CS: variants seen among roughly 807,000 people sequenced by gnomAD.
The protein encoded by CS is citrate synthase, mitochondrial.
CS carries 13 observed loss-of-function variants against 61.4 expected under a neutral mutation model. That is an observed-to-expected ratio of 0.21 (90% confidence interval 0.14 to 0.34). The LOEUF is 0.34. Ranked by LOEUF, CS falls within the 10% of genes least tolerant of loss-of-function variation. The pLI, the probability that CS is intolerant of heterozygous loss-of-function variation, is 1.00. For synonymous variants in CS, 159 were observed against 215.2 expected, an observed-to-expected ratio of 0.74 and a Z score of 2.29; for missense variants, 278 against 573.4, an observed-to-expected ratio of 0.48 and a Z score of 5.26.
intron 1 of CS, among the ~76,000 whole-genome samples, chr12:56,292,009 A>G (rs1001439315): frequency 6.6e-6 from 1 of 152,192 alleles, no homozygotes; most frequent in African/African-American, 2.4e-5. Context: ...TAGCCCTCAA[A>G]TGTGGTAAGA....
At chr12:56,289,664 G>C (rs1333177493) in intron 1 of CS, among the ~76,000 whole-genome samples, 1 of 151,800 alleles carries the variant, frequency 6.6e-6, no homozygotes, top group Non-Finnish European at 1.5e-5. Context: ...GGATGGTCTC[G>C]ATCTCCTGAC....
intron 1 of CS, among the ~76,000 whole-genome samples, chr12:56,287,397 GCTTAAA>G (rs1435070154): frequency 6.8e-6 from 1 of 146,108 alleles, no homozygotes; most frequent in Non-Finnish European, 1.5e-5. Flanking sequence ...TGGGAGAATG[GCTTAAA>G]CCTTGGAGGC....
At chr12:56,280,868 T>A (rs1048875979) in intron 6 of CS, among the ~76,000 whole-genome samples, 42 of 152,334 alleles carry the variant, frequency 2.8e-4, no homozygotes, top group African/African-American at 9.9e-4. Flanking sequence ...GTGGTGTGAA[T>A]GTGTATATTT....
chr12:56,285,615 CT>C (rs1289392405), intron 3 of CS, among the ~76,000 whole-genome samples: 2 of 152,102 alleles, frequency 1.3e-5, no homozygotes, highest in African/African-American at 4.8e-5. Context: ...TTGTATTTCA[CT>C]TTTTTTCTCC....
chr12:56,275,760 T>C (rs1284823883), intron 7 of CS: 4 of 554,700 alleles, frequency 7.2e-6, no homozygotes, highest in Non-Finnish European at 1.3e-5. Flanking sequence ...GAGCAGCTAG[T>C]ACCTTTTCCC....
intron 1 of CS, chr12:56,298,730 T>G: frequency 1.0e-6 from 1 of 965,494 alleles, no homozygotes; most frequent in Non-Finnish European, 1.2e-6. Flanking sequence ...TTTCACTTTG[T>G]GCCAACCATG....
intron 6 of CS, among the ~76,000 whole-genome samples, chr12:56,280,416 C>A (rs74996486): frequency 0.061 from 5,424 of 89,616 alleles, 710 homozygotes; most frequent in African/African-American, 0.2. Flanking sequence ...CACCGTCTCC[C>A]AAAAAAAACA....
At chr12:56,292,013 G>C (rs1873140507) in intron 1 of CS, among the ~76,000 whole-genome samples, 1 of 152,144 alleles carries the variant, frequency 6.6e-6, no homozygotes, top group Non-Finnish European at 1.5e-5. Context: ...CCTCAAATGT[G>C]GTAAGATGAA....
Position 56,286,029 on chromosome 12 carries a change from AAGAAAAGT to A in CS, c.94-14_94-7del. The A allele has an allele frequency of 6.2e-7, 1 of 1,606,112 alleles. No homozygotes were observed. The highest frequency in any genetic ancestry group is 8.5e-7 in the Non-Finnish European group (1 of 1,172,640). ...GCCAATATGTCTTTCAAATTCTAAA[AAGAAAAGT>A]AGAAGGACTAAGCAATGGTCTAAAA... On this transcript the variant is annotated splice_region_variant and splice_polypyrimidine_tract_variant and intron_variant, in intron 2 of 10. Transcript: ENST00000351328.
intron 6 of CS, among the ~76,000 whole-genome samples, chr12:56,280,497 T>C (rs1027323228): frequency 8.0e-5 from 12 of 150,038 alleles, no homozygotes; most frequent in African/African-American, 3.0e-4. Flanking sequence ...CATGGTGGCA[T>C]GTGCCTGTAG....
At chr12:56,283,978 G>A in intron 3 of CS, 121 bp from the exon 4 acceptor site, 1 of 714,164 alleles carries the variant, frequency 1.4e-6, no homozygotes, top group Non-Finnish European at 2.4e-6. Flanking sequence ...TCTCAGACTT[G>A]TAAGACTTCA....
intron 6 of CS, among the ~76,000 whole-genome samples, chr12:56,278,154 G>A (rs1038261855): frequency 7.2e-5 from 11 of 151,900 alleles, no homozygotes; most frequent in African/African-American, 2.4e-4. Context: ...TTTTTGAGAC[G>A]GAGTCTCACC....
At chr12:56,274,436 C>A (rs1410645357) in intron 9 of CS, 3 of 192,308 alleles carry the variant, frequency 1.6e-5, no homozygotes, top group Non-Finnish European at 3.2e-5. Context: ...TAAGCGTGAG[C>A]CACCACACTC....
chr12:56,283,062 C>A lies in CS; in HGVS notation c.268-71G>T, dbSNP rs557673085. The A allele has an allele frequency of 2.0e-6, 3 of 1,531,850 alleles. No homozygotes were observed. In the East Asian group the frequency reaches 6.8e-5, roughly 35 times the overall value. The allele number at this position is 1,531,850 out of a possible 1,614,324, so 94.9% of individuals were successfully genotyped here. ...AAGTCACACGACTGGTCTTACTCAT[C>A]AGACCTTACAACAAGTTAGAGTAGA... On this transcript the variant is annotated intron_variant, in intron 4 of 10. Transcript: ENST00000351328.
chr12:56,283,273 TCA>T (rs1407793264), intron 4 of CS, among the ~76,000 whole-genome samples: 1 of 152,142 alleles, frequency 6.6e-6, no homozygotes, highest in East Asian at 1.9e-4. Context: ...AGACGGAGTC[TCA>T]CACTGTCGCC....
Position 56,274,813 on chromosome 12 carries a change from T to C in CS, c.984A>G (p.Leu328=). The C allele has an allele frequency of 6.2e-7, 1 of 1,610,794 alleles. No individual in the cohort carries two copies. The highest frequency in any genetic ancestry group is 8.5e-7 in the Non-Finnish European group (1 of 1,178,624). Residue 328 remains leucine, a synonymous_variant, in exon 9 of 11, where the codon TTA becomes TTG. Coordinates refer to ENST00000351328, the MANE Select transcript of CS (RefSeq NM_004077.3). The stretch of plus-strand genomic sequence containing the variant: ...TGAGTGTGTTCCAGATGTAGTCTCG[T>C]AACTTCTCATCTGACACATCTTTGC... ...EVGKDVSDEK[L]RDYIWNTLNS...
At chr12:56,300,028 G>A (rs1364650044) in intron 1 of CS, 132 bp downstream of exon 1, 6 of 825,264 alleles carry the variant, frequency 7.3e-6, no homozygotes, top group East Asian at 3.2e-5. Flanking sequence ...AGGGCTGGCG[G>A]CCAGCCAAGC....
intron 6 of CS, among the ~76,000 whole-genome samples, chr12:56,277,591 G>A (rs1312824789): frequency 6.6e-6 from 1 of 151,090 alleles, no homozygotes; most frequent in Non-Finnish European, 1.5e-5. Flanking sequence ...GGATCAAACA[G>A]TGATATGCAA....
chr12:56,275,820 G>A (rs1365545233), intron 7 of CS, 176 bp downstream of exon 7: 22 of 618,134 alleles, frequency 3.6e-5, no homozygotes, highest in Admixed American at 2.1e-4. Context: ...ATTTCTTTAG[G>A]CCTCCTGACC....
Sources: gnomAD v4.1 joint callset for allele counts (sites outside exome capture counted in the v4.1 genomes callset) on GRCh38, gnomAD v4.1.1 for gene constraint, MANE v1.5 for transcripts, NCBI Gene and HGNC (gene_info 2026-07-23, HGNC 2026-07-21) for gene names.